RGS7: variants seen among roughly 807,000 people sequenced by gnomAD.
RGS7 encodes the protein regulator of G protein signaling 7.
RGS7 carries 27 observed loss-of-function variants against 81.1 expected under a neutral mutation model. The observed-to-expected ratio is 0.33, with a 90% CI of 0.25 to 0.46. The LOEUF (loss-of-function observed/expected upper bound fraction) is 0.46, where lower values mean the gene tolerates loss of function less well. Among genes scored for constraint, RGS7 ranks in the 20% least tolerant of loss-of-function variants. The pLI, the probability that RGS7 is intolerant of heterozygous loss-of-function variation, is 1.00. For synonymous variants in RGS7, 208 were observed against 207.7 expected, an observed-to-expected ratio of 1.00 and a Z score of -0.01; for missense variants, 396 against 607.4, an observed-to-expected ratio of 0.65 and a Z score of 3.66.
intron 3 of RGS7, among the ~76,000 whole-genome samples, chr1:241,022,404 C>G (rs2059584092): frequency 6.6e-6 from 1 of 152,230 alleles, no homozygotes; most frequent in Non-Finnish European, 1.5e-5. Context: ...ACTGCCTTTG[C>G]AGTACTAACA....
At chr1:241,218,623 G>T (rs377489259) in intron 2 of RGS7, among the ~76,000 whole-genome samples, 21 of 152,170 alleles carry the variant, frequency 1.4e-4, no homozygotes, top group Middle Eastern at 3.4e-3. Context: ...GACTTAAGTG[G>T]GGGGGTCCCA....
Position 240,868,541 on chromosome 1 carries a change from C to T in RGS7, c.609+46G>A, listed in dbSNP as rs181453607. The T allele has an allele frequency of 5.1e-3, 8,003 of 1,570,238 alleles. 44 individuals carry two copies. Among genetic ancestry groups the T allele is most frequent in the Non-Finnish European group, 6.0e-3 (6,858 of 1,140,510 alleles). On this transcript the variant is annotated intron_variant, in intron 9 of 18. Coordinates refer to ENST00000440928, the MANE Select transcript of RGS7 (RefSeq NM_001364886.1). This position sits in a 1 kb window ranked among gnomAD's most constrained non-coding sequence, Gnocchi z 5.1. ...TTGGCAGGGCACCCCTCACTTCCCA[C>T]AGACGGAGAAGATGGATTCAAGACG...
chr1:240,943,945 A>G (rs1678035210), intron 4 of RGS7, among the ~76,000 whole-genome samples: 1 of 152,084 alleles, frequency 6.6e-6, no homozygotes, highest in Non-Finnish European at 1.5e-5. Flanking sequence ...TTTGCCTAGG[A>G]CTAAAAAAAG....
At chr1:241,054,193 AC>A (rs1368549790) in intron 3 of RGS7, among the ~76,000 whole-genome samples, 1 of 152,174 alleles carries the variant, frequency 6.6e-6, no homozygotes, top group Non-Finnish European at 1.5e-5. Context: ...TTCATAAACA[AC>A]CCCAGAACAG....
rs575608305 is a variant in RGS7 at position 240,998,825 on chromosome 1, G to A, written c.176-15696C>T. On this transcript the variant is annotated intron_variant, in intron 3 of 18. Coordinates refer to ENST00000440928, the MANE Select transcript of RGS7 (RefSeq NM_001364886.1). ...GGGTGAGTGTGGGGCTGGCGCTGCC[G>A]GACGCGGATGGACCGAGCACCTTGG... 9.2e-5 allele frequency: 54 copies of A among 586,226 alleles called. 1 individual carries two copies. The highest frequency in any genetic ancestry group is 6.8e-4 in the South Asian group (46 of 67,948). The allele number at this position is 586,226 out of a possible 1,614,324, so 36.3% of individuals were successfully genotyped here. A position where few individuals can be genotyped will look rare whatever the true frequency, so the allele number is the denominator to read the frequency against.
At chr1:241,021,923 C>A (rs1246430865) in intron 3 of RGS7, among the ~76,000 whole-genome samples, 2 of 152,090 alleles carry the variant, frequency 1.3e-5, no homozygotes, top group Non-Finnish European at 2.9e-5. Context: ...AGCAGTTGAA[C>A]ACCTGGCCCA....
intron 2 of RGS7, among the ~76,000 whole-genome samples, chr1:241,235,909 TGAGAGAGAGAGA>T (rs1553294805): frequency 7.3e-6 from 1 of 137,902 alleles, no homozygotes. Flanking sequence ...AGATGCACTT[TGAGAGAGAGAGA>T]GAGAGAGAGA....
At chr1:240,980,681 A>C (rs1044998262) in intron 4 of RGS7, among the ~76,000 whole-genome samples, 2 of 152,236 alleles carry the variant, frequency 1.3e-5, no homozygotes, top group African/African-American at 4.8e-5. Context: ...AATAGCCACC[A>C]GATTGATTCA....
chr1:240,869,387 GAC>G (rs1246569593), intron 7 of RGS7, among the ~76,000 whole-genome samples: 2 of 152,046 alleles, frequency 1.3e-5, no homozygotes, highest in Non-Finnish European at 2.9e-5. Flanking sequence ...TGTCAGCAGA[GAC>G]AATTTTGGCA....
intron 2 of RGS7, among the ~76,000 whole-genome samples, chr1:241,131,230 A>G (rs2067071682): frequency 6.6e-6 from 1 of 152,164 alleles, no homozygotes; most frequent in Non-Finnish European, 1.5e-5. Flanking sequence ...GCACATAGGA[A>G]AAAAAAGCCA....
intron 3 of RGS7, among the ~76,000 whole-genome samples, chr1:241,089,222 G>C (rs1252525833): frequency 6.7e-6 from 1 of 150,264 alleles, no homozygotes; most frequent in African/African-American, 2.5e-5. Flanking sequence ...ATGGAAAAGT[G>C]ACCTCTATAG....
intron 3 of RGS7, among the ~76,000 whole-genome samples, chr1:241,047,733 C>CTTTTTTTTT (rs34738551): frequency 1.3e-4 from 12 of 89,514 alleles, no homozygotes; most frequent in Non-Finnish European, 1.5e-4. Flanking sequence ...GTTTACAATC[C>CTTTTTTTTT]TTTTTTTTTT....
intron 2 of RGS7, among the ~76,000 whole-genome samples, chr1:241,207,234 C>G (rs1357762501): frequency 6.9e-6 from 1 of 144,466 alleles, no homozygotes; most frequent in African/African-American, 2.5e-5. Context: ...CCCAAAGTCT[C>G]TTTGTTTCTT....
At chr1:241,317,232 A>G (rs937076114) in intron 2 of RGS7, among the ~76,000 whole-genome samples, 1 of 152,248 alleles carries the variant, frequency 6.6e-6, no homozygotes, top group African/African-American at 2.4e-5. Flanking sequence ...GTAAAAAACT[A>G]GAAAGTTACA....
chr1:240,830,398 C>A (rs186360311), intron 9 of RGS7, among the ~76,000 whole-genome samples: 1 of 152,330 alleles, frequency 6.6e-6, no homozygotes. Context: ...GCAAACCTGT[C>A]TATAGCAGAA....
chr1:241,175,339 T>C (rs2071051542), intron 2 of RGS7, among the ~76,000 whole-genome samples: 1 of 152,178 alleles, frequency 6.6e-6, no homozygotes, highest in Admixed American at 6.5e-5. Context: ...TGGTGGGAGA[T>C]GAGTTCGCTG....
chr1:241,307,891 G>A (rs1449018507), intron 2 of RGS7, among the ~76,000 whole-genome samples: 4 of 152,128 alleles, frequency 2.6e-5, no homozygotes, highest in African/African-American at 9.7e-5. Flanking sequence ...AAGTCACATC[G>A]CCTCAGGGTA....
chr1:241,136,068 G>A lies in RGS7; in HGVS notation c.79-37306C>T, dbSNP rs142844266. On this transcript the variant is annotated intron_variant, in intron 2 of 18. Coordinates refer to ENST00000440928, the MANE Select transcript of RGS7 (RefSeq NM_001364886.1). ...AGACAGTGTTACAAACAATATATGA[G>A]TCTTTTTAAGAGGAAATAAAATGTA... 2.0e-5 allele frequency among the ~76,000 whole-genome samples: 3 copies of A among 152,088 alleles called. No homozygotes were observed. The East Asian group carries it at 5.8e-4, about 29-fold the overall frequency.
At chr1:240,831,787 C>A (rs1169506438) in intron 9 of RGS7, among the ~76,000 whole-genome samples, 1 of 152,112 alleles carries the variant, frequency 6.6e-6, no homozygotes, top group African/African-American at 2.4e-5. Context: ...AGGCGGGTGC[C>A]ACCACACCCA....
Sources: gnomAD v4.1 joint callset for allele counts (sites outside exome capture counted in the v4.1 genomes callset) on GRCh38, gnomAD v4.1.1 for gene constraint, Gnocchi (gnomAD v3.1) non-coding constraint, MANE v1.5 for transcripts, NCBI Gene and HGNC (gene_info 2026-07-23, HGNC 2026-07-21) for gene names.